CXADR: variants seen among roughly 807,000 people sequenced by gnomAD.
The protein encoded by CXADR is CXADR cell adhesion molecule, also known as coxsackievirus and adenovirus receptor.
Under a neutral mutation model 40.3 loss-of-function variants are expected in CXADR, and 20 were observed. The ratio of observed to expected loss-of-function variants is 0.50; its 90% confidence interval spans 0.35 to 0.72. CXADR has a LOEUF of 0.72. CXADR is among the 30% of genes least tolerant of loss of function. The probability of loss-of-function intolerance (pLI) is 0.01; values close to 1 mark genes in which losing one functional copy is unlikely to be tolerated. For missense variants in CXADR, 332 were observed against 449.1 expected (o/e 0.74, Z 2.36); for synonymous variants, 150 against 161.3 (o/e 0.93, Z 0.53).
intron 3 of CXADR, among the ~76,000 whole-genome samples, chr21:17,558,579 A>G (rs959579223): frequency 6.6e-6 from 1 of 152,184 alleles, no homozygotes; most frequent in African/African-American, 2.4e-5. Flanking sequence ...GACTTGGTAC[A>G]TACTGCCAGA....
At chr21:17,590,186 T>C (rs1042202110) in intron 7 of CXADR, among the ~76,000 whole-genome samples, 4 of 151,696 alleles carry the variant, frequency 2.6e-5, no homozygotes, top group African/African-American at 9.7e-5. Context: ...CTCCCATGAT[T>C]ATGTTTCTTA....
chr21:17,561,233 A>T lies in CXADR; in HGVS notation c.695-105A>T, dbSNP rs1327386957. The T allele has an allele frequency of 5.3e-6, 3 of 563,064 alleles. No individual in the cohort carries two copies. In the East Asian group the frequency reaches 1.1e-4, roughly 20 times the overall value. The allele number at this position is 563,064 out of a possible 1,614,324, so 34.9% of individuals were successfully genotyped here. A position where few individuals can be genotyped will look rare whatever the true frequency, so the allele number is the denominator to read the frequency against. ...TCAAAAAGACTAAATAATTTGTCTT[A>T]AAGTTAACACGTGATGAAATCAATC... On this transcript the variant is annotated intron_variant, in intron 5 of 6. Coordinates refer to ENST00000284878, the MANE Select transcript of CXADR (RefSeq NM_001338.5).
chr21:17,606,897 C>T, the CXADR span, among the ~76,000 whole-genome samples: 5 of 152,036 alleles, frequency 3.3e-5, no homozygotes, highest in Non-Finnish European at 7.4e-5. Context: ...ACTTACTGTT[C>T]AAAAGGTATG....
In CXADR at chr21:17,567,231, T is replaced by C; in HGVS notation, c.*1539T>C. 6.1e-6 allele frequency: 6 copies of C among 985,446 alleles called. No individual in the cohort carries two copies. The highest frequency in any genetic ancestry group is 7.2e-6 in the Non-Finnish European group (6 of 829,930). The allele number at this position is 985,446 out of a possible 1,614,324, so 61.0% of individuals were successfully genotyped here. A position where few individuals can be genotyped will look rare whatever the true frequency, so the allele number is the denominator to read the frequency against. The stretch of plus-strand genomic sequence containing the variant: ...TTGGGTGCTGTGGTGGTAAATGCTA[T>C]ATTATGAACGGTGGCATGTATTTAC... On this transcript the variant is annotated 3_prime_UTR_variant, in exon 7 of 7. Coordinates refer to ENST00000284878, the MANE Select transcript of CXADR (RefSeq NM_001338.5).
chr21:17,597,648 C>T (rs145706409), downstream of CXADR, among the ~76,000 whole-genome samples: 2 of 148,564 alleles, frequency 1.3e-5, no homozygotes, highest in South Asian at 2.2e-4. Context: ...CATATACATA[C>T]ACATATACAT....
Position 17,558,965 on chromosome 21 carries a change from T to C in CXADR, c.416-11T>C, listed in dbSNP as rs778081414. 8.7e-6 allele frequency: 14 copies of C among 1,600,422 alleles called. No individual in the cohort carries two copies. In the South Asian group the frequency reaches 1.6e-4, roughly 18 times the overall value. ...CTCTTATGTAAATTTATAATTTGTT[T>C]TCTCTTTCAGTTAAGCCTTCAGGTG... On this transcript the variant is annotated splice_polypyrimidine_tract_variant and intron_variant, in intron 3 of 6. Coordinates refer to ENST00000284878, the MANE Select transcript of CXADR (RefSeq NM_001338.5).
chr21:17,551,987 G>T, intron 3 of CXADR, 34 bp downstream of exon 3: 1 of 1,510,078 alleles, frequency 6.6e-7, no homozygotes, highest in South Asian at 1.1e-5. Context: ...ACGGGTTACT[G>T]AGTAAGAGAA....
intron 2 of CXADR, among the ~76,000 whole-genome samples, chr21:17,550,684 A>ATGTTAGAGAT (rs1254250693): frequency 6.6e-6 from 1 of 152,362 alleles, no homozygotes; most frequent in East Asian, 1.9e-4. Flanking sequence ...TGTTAAATTA[A>ATGTTAGAGAT]TGTTAGAGAT....
At chr21:17,538,221 AG>A (rs966967521) in intron 1 of CXADR, among the ~76,000 whole-genome samples, 4 of 22 alleles carry the variant, frequency 0.18, no homozygotes, top group African/African-American at 0.25. Flanking sequence ...GGATGGTCTC[AG>A]ATCTCCTGAC....
the CXADR span, among the ~76,000 whole-genome samples, chr21:17,614,814 C>T: frequency 6.6e-6 from 1 of 152,176 alleles, no homozygotes; most frequent in Non-Finnish European, 1.5e-5. Flanking sequence ...CTCTTAAACA[C>T]TTTTTCTCTC....
intron 1 of CXADR, among the ~76,000 whole-genome samples, chr21:17,514,233 A>G (rs1014693466): frequency 6.6e-6 from 1 of 152,102 alleles, no homozygotes; most frequent in Non-Finnish European, 1.5e-5. Flanking sequence ...GCTCTGAAGC[A>G]GGATCTAGTG....
chr21:17,534,030 C>CTA (rs5842647), intron 1 of CXADR, among the ~76,000 whole-genome samples: 5,186 of 95,770 alleles, frequency 0.054, 265 homozygotes, highest in East Asian at 0.15. Context: ...ATATATATAG[C>CTA]TATATATATA....
At chr21:17,607,650 A>C in the CXADR span, among the ~76,000 whole-genome samples, 964 of 152,362 alleles carry the variant, frequency 6.3e-3, 58 homozygotes, top group East Asian at 0.13. Context: ...GCAAGAGCCC[A>C]GTGGCAGAAA....
intron 7 of CXADR, among the ~76,000 whole-genome samples, chr21:17,576,556 G>T (rs530192800): frequency 1.3e-5 from 2 of 152,208 alleles, no homozygotes; most frequent in East Asian, 3.9e-4. Context: ...CTAATATAAG[G>T]TGACTGTATC....
the CXADR span, chr21:17,604,142 T>C: frequency 7.8e-7 from 1 of 1,284,908 alleles, no homozygotes; most frequent in Non-Finnish European, 1.0e-6. Context: ...CTCAGTCACT[T>C]ACATAATCAA....
chr21:17,634,946 T>C, the CXADR span, among the ~76,000 whole-genome samples: 1 of 152,160 alleles, frequency 6.6e-6, no homozygotes, highest in African/African-American at 2.4e-5. Flanking sequence ...TGATCCTTGA[T>C]GGTAAAGGGG....
At chr21:17,513,219 G>A (rs1456615199) in intron 1 of CXADR, 47 bp downstream of exon 1, 1 of 1,343,144 alleles carries the variant, frequency 7.4e-7, no homozygotes, top group Non-Finnish European at 9.6e-7. Flanking sequence ...GCCCGGGGGC[G>A]CTCGCTGCCC....
At chr21:17,521,883 AC>A (rs2060534978) in intron 1 of CXADR, among the ~76,000 whole-genome samples, 2 of 152,080 alleles carry the variant, frequency 1.3e-5, no homozygotes, top group Non-Finnish European at 1.5e-5. Context: ...TGAACTTCAG[AC>A]CTTTTGGCTT....
chr21:17,626,991 C>T, the CXADR span: 1 of 152,202 alleles, frequency 6.6e-6, no homozygotes, highest in Non-Finnish European at 1.5e-5. Context: ...TTCCTAACTT[C>T]AAACTTTGTG....
Sources: allele counts gnomAD v4.1 joint callset (sites outside exome capture counted in the v4.1 genomes callset), GRCh38; gene constraint gnomAD v4.1.1; transcripts MANE v1.5; gene names NCBI Gene and HGNC (gene_info 2026-07-23, HGNC 2026-07-21).